CCDC171: variants seen among roughly 807,000 people sequenced by gnomAD.
CCDC171 encodes the protein coiled-coil domain containing 171, also known as coiled-coil domain-containing protein 171.
CCDC171 carries 177 observed loss-of-function variants against 168.2 expected under a neutral mutation model. The observed-to-expected ratio is 1.05, with a 90% CI of 0.93 to 1.19. The LOEUF is 1.19. Ranked by LOEUF, CCDC171 falls within the 50% of genes most tolerant of loss-of-function variation. The pLI is 0.00. For missense variants in CCDC171, 1,991 were observed against 1,539.0 expected (o/e 1.29, Z -4.91); for synonymous variants, 687 against 540.8 (o/e 1.27, Z -3.75).
chr9:15,717,149 T>A (rs2053143665), intron 11 of CCDC171, among the ~76,000 whole-genome samples: 2 of 152,140 alleles, frequency 1.3e-5, no homozygotes, highest in South Asian at 4.2e-4. Flanking sequence ...CAGCAGCGGC[T>A]ATGTGGTGGG....
chr9:15,597,206 GC>G (rs2042439448), intron 6 of CCDC171, among the ~76,000 whole-genome samples: 1 of 152,086 alleles, frequency 6.6e-6, no homozygotes, highest in Non-Finnish European at 1.5e-5. Flanking sequence ...GTGAGAGGGG[GC>G]ATCCCTGTCT....
At chr9:15,956,727 C>G (rs1451942911) in intron 25 of CCDC171, among the ~76,000 whole-genome samples, 5 of 152,044 alleles carry the variant, frequency 3.3e-5, no homozygotes, top group African/African-American at 7.2e-5. Context: ...ATCTGAAAGC[C>G]TCAGTAACAT....
At chr9:15,650,096 G>T (rs1587732404) in intron 7 of CCDC171, among the ~76,000 whole-genome samples, 1 of 152,324 alleles carries the variant, frequency 6.6e-6, no homozygotes, top group African/African-American at 2.4e-5. Flanking sequence ...CATGTCCTTT[G>T]TAGGGACATG....
chr9:15,945,795 T>A lies in CCDC171; in HGVS notation c.3753+25373T>A, dbSNP rs10962230. On this transcript the variant is annotated intron_variant, in intron 25 of 25. Coordinates refer to ENST00000380701, the MANE Select transcript of CCDC171 (RefSeq NM_173550.4). ...CTGGATATTAGCCCTTTGTCAGATG[T>A]GTAGGTTGCGAAGATTTTCTCCCAT... Among the ~76,000 whole-genome samples, 88 of 141,554 alleles carry A rather than the reference T, an allele frequency of 6.2e-4. 2 individuals are homozygous for A. Among genetic ancestry groups the A allele is most frequent in the Middle Eastern group, 3.6e-3 (1 of 278 alleles). 92.9% of individuals were successfully genotyped at this position (141,554 alleles called of 152,430 possible). A position where few individuals can be genotyped will look rare whatever the true frequency, so the allele number is the denominator to read the frequency against.
At chr9:15,559,072 G>A (rs1271808189) in intron 1 of CCDC171, among the ~76,000 whole-genome samples, 1 of 152,138 alleles carries the variant, frequency 6.6e-6, no homozygotes. Context: ...CTGAGTTGTA[G>A]TTTGATTGCA....
At chr9:15,745,737 G>T (rs2055226876) in intron 18 of CCDC171, 106 bp downstream of exon 18, 3 of 611,660 alleles carry the variant, frequency 4.9e-6, no homozygotes, top group South Asian at 5.6e-5. Context: ...AAATATATTT[G>T]TTTTTATCTT....
At chr9:15,711,073 T>C (rs2382535) in intron 11 of CCDC171, among the ~76,000 whole-genome samples, 144,268 of 152,266 alleles carry the variant, frequency 0.95, 68,380 homozygotes, top group East Asian at 1. Context: ...AATGGAAATG[T>C]TCTGTATCTG....
chr9:15,745,473 A>G (rs768260498), intron 17 of CCDC171, 42 bp from the exon 18 acceptor site: 3 of 1,250,612 alleles, frequency 2.4e-6, no homozygotes, highest in Non-Finnish European at 3.3e-6. Context: ...GATTTTAATA[A>G]AGTTTTGTAG....
chr9:15,612,395 C>G (rs778307016), intron 6 of CCDC171, among the ~76,000 whole-genome samples: 1 of 152,146 alleles, frequency 6.6e-6, no homozygotes, highest in Non-Finnish European at 1.5e-5. Context: ...TTCATTGTTT[C>G]TGCCATTTGT....
At chr9:16,031,435 T>C (rs2133041115) in intron 6 of CCDC171, among the ~76,000 whole-genome samples, 1 of 152,342 alleles carries the variant, frequency 6.6e-6, no homozygotes, top group South Asian at 2.1e-4. Context: ...AACCAGCAGA[T>C]ACACTCTTCA....
At chr9:15,599,534 G>T (rs1242510984) in intron 6 of CCDC171, among the ~76,000 whole-genome samples, 1 of 152,172 alleles carries the variant, frequency 6.6e-6, no homozygotes, top group Non-Finnish European at 1.5e-5. Context: ...AGTCTGATGG[G>T]CTTCCATTTG....
intron 7 of CCDC171, among the ~76,000 whole-genome samples, chr9:15,626,980 G>A (rs184323093): frequency 6.3e-4 from 96 of 152,212 alleles, no homozygotes; most frequent in Non-Finnish European, 9.0e-4. Flanking sequence ...ATTAATTATT[G>A]CCTCAATTTC....
chr9:15,716,251 T>C (rs543094663), intron 11 of CCDC171, among the ~76,000 whole-genome samples: 1 of 152,340 alleles, frequency 6.6e-6, no homozygotes, highest in African/African-American at 2.4e-5. Flanking sequence ...GTTCCTGATA[T>C]ATTCTATTCT....
At chr9:15,606,102 A>G (rs2043208624) in intron 6 of CCDC171, among the ~76,000 whole-genome samples, 1 of 152,218 alleles carries the variant, frequency 6.6e-6, no homozygotes, top group African/African-American at 2.4e-5. Context: ...ACAAGATACT[A>G]TAATAAAAGT....
chr9:15,662,991 A>G (rs1457123801), intron 8 of CCDC171, among the ~76,000 whole-genome samples: 2 of 130,644 alleles, frequency 1.5e-5, no homozygotes, highest in East Asian at 4.5e-4. Context: ...AACAACAACA[A>G]CAACAACAAC....
intron 18 of CCDC171, among the ~76,000 whole-genome samples, chr9:15,772,136 C>T (rs755265917): frequency 2.2e-4 from 34 of 152,032 alleles, no homozygotes; most frequent in Non-Finnish European, 3.7e-4. Flanking sequence ...GCCTGGCCTG[C>T]ACCAGTATTT....
chr9:16,086,770 G>A, the CCDC171 span, among the ~76,000 whole-genome samples: 1 of 152,030 alleles, frequency 6.6e-6, no homozygotes, highest in African/African-American at 2.4e-5. Context: ...GAGTTTGTTT[G>A]CTCTTGCTTC....
chr9:15,619,090 T>C (rs2131995304), intron 6 of CCDC171, among the ~76,000 whole-genome samples: 1 of 152,208 alleles, frequency 6.6e-6, no homozygotes, highest in South Asian at 2.1e-4. Flanking sequence ...TACTCCTCTG[T>C]CCAGCCGTTC....
chr9:15,926,351 G>GC (rs1488504800), intron 25 of CCDC171, among the ~76,000 whole-genome samples: 1 of 151,556 alleles, frequency 6.6e-6, no homozygotes, highest in Non-Finnish European at 1.5e-5. Context: ...CACCCAAACA[G>GC]CCCGTACCCA....
Sources: gnomAD v4.1 joint callset for allele counts (sites outside exome capture counted in the v4.1 genomes callset) on GRCh38, gnomAD v4.1.1 for gene constraint, MANE v1.5 for transcripts, NCBI Gene and HGNC (gene_info 2026-07-23, HGNC 2026-07-21) for gene names.